PTPRN2: variants seen among roughly 807,000 people sequenced by gnomAD.
PTPRN2 encodes protein tyrosine phosphatase receptor type N2.
PTPRN2 carries 74 observed loss-of-function variants against 118.8 expected under a neutral mutation model. The observed-to-expected ratio is 0.62, with a 90% CI of 0.52 to 0.76. The LOEUF is 0.76. PTPRN2 is among the 30% of genes least tolerant of loss of function. PTPRN2 has a pLI of 0.00. For missense variants in PTPRN2, 1,481 were observed against 1,394.4 expected, an observed-to-expected ratio of 1.06 and a Z score of -0.99; for synonymous variants, 641 against 608.0, an observed-to-expected ratio of 1.05 and a Z score of -0.80.
chr7:157,870,907 T>C (rs1212984626), intron 12 of PTPRN2, among the ~76,000 whole-genome samples: 1 of 152,246 alleles, frequency 6.6e-6, no homozygotes, highest in Non-Finnish European at 1.5e-5. Context: ...TGTTGATCTT[T>C]CTGTGAGACT....
chr7:158,531,551 G>A (rs1050250050), intron 1 of PTPRN2, among the ~76,000 whole-genome samples: 1 of 152,240 alleles, frequency 6.6e-6, no homozygotes, highest in Non-Finnish European at 1.5e-5. Context: ...GCCTCCTCAC[G>A]AGGCAGACGG....
intron 2 of PTPRN2, among the ~76,000 whole-genome samples, chr7:158,476,861 C>T (rs545910879): frequency 1.3e-5 from 2 of 152,358 alleles, no homozygotes; most frequent in African/African-American, 4.8e-5. Flanking sequence ...GAGGAGCGAA[C>T]CGCATCTTCA....
At chr7:158,184,747 G>A (rs753562666) in intron 5 of PTPRN2, among the ~76,000 whole-genome samples, 15 of 152,048 alleles carry the variant, frequency 9.9e-5, no homozygotes, top group Non-Finnish European at 1.6e-4. Flanking sequence ...AGGAGGCAGA[G>A]GGTTGCAGTG....
chr7:158,290,378 G>A (rs1300712310), intron 3 of PTPRN2, among the ~76,000 whole-genome samples: 1 of 152,140 alleles, frequency 6.6e-6, no homozygotes, highest in Non-Finnish European at 1.5e-5. Context: ...GGAGCTGCAG[G>A]GCCAGCCTGG....
In PTPRN2 at chr7:158,342,682, G is replaced by C. The variant is rs997639604; in HGVS notation, c.164-25750C>G. Among the ~76,000 whole-genome samples, 5 of 152,190 alleles carry C rather than the reference G, an allele frequency of 3.3e-5. No homozygotes were observed. The South Asian group carries it at 6.2e-4, about 19-fold the overall frequency. On this transcript the variant is annotated intron_variant, in intron 2 of 22. Transcript: ENST00000389418. ...ATGATAACCCTTAGTGGCATAAACTGTCATGGTCCCCATTCCATATTCAGA... is the reference window on the plus strand; with the variant it reads ...ATGATAACCCTTAGTGGCATAAACTCTCATGGTCCCCATTCCATATTCAGA...
intron 12 of PTPRN2, among the ~76,000 whole-genome samples, chr7:157,889,436 C>G (rs1006391646): frequency 2.6e-5 from 4 of 152,230 alleles, no homozygotes; most frequent in Non-Finnish European, 4.4e-5. Context: ...GACCCAACAA[C>G]CAATCAGCAT....
At chr7:158,130,538 A>T (rs1818106828) in intron 9 of PTPRN2, among the ~76,000 whole-genome samples, 1 of 151,544 alleles carries the variant, frequency 6.6e-6, no homozygotes, top group Admixed American at 6.6e-5. Flanking sequence ...GTACATACAG[A>T]TACACACATC....
chr7:157,767,536 G>C (rs757558508), intron 12 of PTPRN2, among the ~76,000 whole-genome samples: 1 of 152,226 alleles, frequency 6.6e-6, no homozygotes, highest in African/African-American at 2.4e-5. Flanking sequence ...CAGTAAGAAT[G>C]CTCCTGCTCT....
chr7:157,541,814 A>G (rs1798026849), intron 22 of PTPRN2, among the ~76,000 whole-genome samples: 1 of 152,244 alleles, frequency 6.6e-6, no homozygotes, highest in African/African-American at 2.4e-5. Context: ...GATGGAAAAT[A>G]GCTTGAACCG....
intron 11 of PTPRN2, among the ~76,000 whole-genome samples, chr7:157,992,095 C>A (rs1272525587): frequency 6.6e-6 from 1 of 152,230 alleles, no homozygotes; most frequent in Non-Finnish European, 1.5e-5. Flanking sequence ...CCATGTGCCA[C>A]CCGAGCTGTC....
At chr7:158,567,767 C>A (rs572913001) in intron 1 of PTPRN2, among the ~76,000 whole-genome samples, 1 of 152,260 alleles carries the variant, frequency 6.6e-6, no homozygotes, top group African/African-American at 2.4e-5. Context: ...GGGCTGCACC[C>A]CCCCACACCT....
intron 7 of PTPRN2, 88 bp from the exon 8 acceptor site, chr7:158,136,783 C>A (rs905547397): frequency 3.2e-6 from 4 of 1,252,998 alleles, no homozygotes; most frequent in Non-Finnish European, 4.7e-6. Context: ...CCTGCAGACC[C>A]CTCCATACGA....
chr7:158,204,310 C>CA, intron 4 of PTPRN2, among the ~76,000 whole-genome samples: 1 of 152,272 alleles, frequency 6.6e-6, no homozygotes, highest in African/African-American at 2.4e-5. Context: ...CCCGCGCCCT[C>CA]AGTGTGTGCG....
In PTPRN2 at chr7:157,929,572, G is replaced by T. The variant is rs766909694; in HGVS notation, c.1724-30835C>A. Among the ~76,000 whole-genome samples, 1 of 152,074 alleles carries T rather than the reference G, an allele frequency of 6.6e-6. No individual in the cohort carries two copies. Among genetic ancestry groups the T allele is most frequent in the Non-Finnish European group, 1.5e-5 (1 of 68,002 alleles). ...GAATTCCCCTCCTTTTACCACATTT[G>T]CCACCTCTGGTCCCATCTTCCTTTC... On this transcript the variant is annotated intron_variant, in intron 11 of 22. Coordinates refer to ENST00000389418, the MANE Select transcript of PTPRN2 (RefSeq NM_002847.5). This position sits in a 1 kb window ranked among gnomAD's most constrained non-coding sequence, Gnocchi z 4.4.
intron 1 of PTPRN2, chr7:158,541,502 A>G: frequency 7.4e-7 from 1 of 1,352,154 alleles, no homozygotes; most frequent in Non-Finnish European, 9.8e-7. Context: ...GACCTGAAAC[A>G]AACATCACTT....
In PTPRN2 at chr7:158,273,441, C is replaced by T. The variant is rs1006745072; in HGVS notation, c.277+43378G>A. 3.7e-5 allele frequency among the ~76,000 whole-genome samples: 5 copies of T among 135,058 alleles called. 2 individuals are homozygous for T. Among genetic ancestry groups the T allele is most frequent in the Non-Finnish European group, 8.0e-5 (5 of 62,132 alleles). The allele number at this position is 135,058 out of a possible 152,430, so 88.6% of individuals were successfully genotyped here. On this transcript the variant is annotated intron_variant, in intron 3 of 22. Coordinates refer to ENST00000389418, the MANE Select transcript of PTPRN2 (RefSeq NM_002847.5). ...AGACGCGGGAGGAGCCGCAGACAGACGCGGGAGGAGCCGCAGACGCAGGGG... is the reference window on the plus strand; with the variant it reads ...AGACGCGGGAGGAGCCGCAGACAGATGCGGGAGGAGCCGCAGACGCAGGGG...
In PTPRN2 at chr7:157,729,849, C is replaced by A. The variant is rs538244070; in HGVS notation, c.1789-46912G>T. Among the ~76,000 whole-genome samples the A allele has an allele frequency of 6.6e-6, 1 of 152,112 alleles. No individual in the cohort carries two copies. Among genetic ancestry groups the A allele is most frequent in the Non-Finnish European group, 1.5e-5 (1 of 68,010 alleles). On this transcript the variant is annotated intron_variant, in intron 12 of 22. Transcript: ENST00000389418. This position sits in a 1 kb window ranked among gnomAD's most constrained non-coding sequence, Gnocchi z 4.3. ...AGCGGCAGGCGGATGAGGGAAGGAC[C>A]GTCCATTTGACTGGGCCACAGGTGT...
intron 3 of PTPRN2, among the ~76,000 whole-genome samples, chr7:158,285,952 CAA>C (rs34764586): frequency 0.15 from 21,892 of 149,670 alleles, 1,933 homozygotes; most frequent in East Asian, 0.27. Flanking sequence ...TGCTATGCAG[CAA>C]GCTAAACACA....
chr7:157,564,998 C>T (rs957664132), intron 21 of PTPRN2, among the ~76,000 whole-genome samples: 1 of 152,244 alleles, frequency 6.6e-6, no homozygotes, highest in African/African-American at 2.4e-5. Flanking sequence ...TGCTGACACA[C>T]ACCACGACAC....
Sources: gnomAD v4.1 joint callset for allele counts (sites outside exome capture counted in the v4.1 genomes callset) on GRCh38, gnomAD v4.1.1 for gene constraint, Gnocchi (gnomAD v3.1) non-coding constraint, MANE v1.5 for transcripts, NCBI Gene and HGNC (gene_info 2026-07-23, HGNC 2026-07-21) for gene names.